Variants in SLC18B1 observed in about 807,000 individuals in gnomAD.
SLC18B1 encodes the protein solute carrier family 18 member B1.
Under a neutral mutation model 53.9 loss-of-function variants are expected in SLC18B1, and 62 were observed. The ratio of observed to expected loss-of-function variants is 1.15; its 90% CI spans 0.94 to 1.42. The LOEUF (loss-of-function observed/expected upper bound fraction) is 1.42, where lower values mean the gene tolerates loss of function less well. SLC18B1 is among the 40% of genes most tolerant of loss of function. The probability of loss-of-function intolerance (pLI) is 0.00; values close to 1 mark genes in which losing one functional copy is unlikely to be tolerated. For synonymous variants in SLC18B1, 217 were observed against 200.9 expected (o/e 1.08, Z -0.68); for missense variants, 598 against 547.3 (o/e 1.09, Z -0.93).
intron 2 of SLC18B1, among the ~76,000 whole-genome samples, chr6:132,792,355 G>GGAAGGAA (rs58213762): frequency 9.7e-6 from 1 of 102,934 alleles, no homozygotes; most frequent in Non-Finnish European, 2.0e-5. Flanking sequence ...AAGGAAGGAA[G>GGAAGGAA]GGAAAGAAAG....
chr6:132,785,374 T>A (rs1461696485), intron 5 of SLC18B1, among the ~76,000 whole-genome samples: 1 of 152,180 alleles, frequency 6.6e-6, no homozygotes, highest in African/African-American at 2.4e-5. Context: ...AACAAAACAA[T>A]GCTATGGAAA....
rs1237033283 is a variant in SLC18B1 at position 132,783,940 on chromosome 6, G to A, written c.651C>T (p.Pro217=). ...TAATAAGTGTGGACTTACCGTAATT[G>A]GGTAAAATATACATATTGAGTGGTA... The part of the protein sequence containing the change: ...LMVPLNMYIL[P]NYESDPGEHS... The change falls in exon 6 of 14, where the codon CCC becomes CCT. Residue 217 remains proline, a synonymous_variant. Transcript: ENST00000275227. 1.3e-6 allele frequency: 2 copies of A among 1,588,792 alleles called. No individual in the cohort carries two copies. The highest frequency in any genetic ancestry group is 1.7e-6 in the Non-Finnish European group (2 of 1,170,142).
chr6:132,796,500 T>C (rs1380685638), intron 2 of SLC18B1, among the ~76,000 whole-genome samples: 1 of 124,042 alleles, frequency 8.1e-6, no homozygotes, highest in South Asian at 2.6e-4. Context: ...CACTCCAGCC[T>C]GGGCAACAAG....
At chr6:132,788,068 G>A (rs1292214556) in intron 4 of SLC18B1, among the ~76,000 whole-genome samples, 2 of 151,942 alleles carry the variant, frequency 1.3e-5, no homozygotes, top group Non-Finnish European at 2.9e-5. Flanking sequence ...GGCTGAGGCA[G>A]GAGAATGGCA....
chr6:132,771,837 A>T (rs529408462), intron 11 of SLC18B1, among the ~76,000 whole-genome samples: 46 of 152,328 alleles, frequency 3.0e-4, no homozygotes, highest in African/African-American at 1.1e-3. Context: ...CATGCCTGTA[A>T]TCCCAGCACT....
intron 7 of SLC18B1, among the ~76,000 whole-genome samples, chr6:132,777,948 A>G (rs1253467527): frequency 6.6e-6 from 1 of 152,218 alleles, no homozygotes; most frequent in East Asian, 1.9e-4. Context: ...TTGTGTGAGC[A>G]ATAAAGCTTT....
chr6:132,780,949 G>A (rs560631136), intron 6 of SLC18B1, among the ~76,000 whole-genome samples: 1 of 152,284 alleles, frequency 6.6e-6, no homozygotes, highest in East Asian at 1.9e-4. Context: ...ACTGCAGGAT[G>A]TAGTTGGACT....
chr6:132,783,073 C>T (rs1339262097), intron 6 of SLC18B1, among the ~76,000 whole-genome samples: 2 of 152,052 alleles, frequency 1.3e-5, no homozygotes, highest in Non-Finnish European at 2.9e-5. Flanking sequence ...CTGCGCCTAG[C>T]GAAATAATAA....
At position 132,774,252 on chromosome 6, in the gene SLC18B1, A is replaced by C. The variant is rs1443247727; in HGVS notation, c.959T>G (p.Leu320Ter). ...AATATGCAAGATTGGGACAGGCCCT[A>C]AGAGCATGTAGCACCCGGCTGTGAT... ...NLITAGCYML[L>*]GPVPILHIKS... Residue 320 changes from leucine to a stop codon, truncating the protein, a stop_gained, in exon 9 of 14, where the codon TTA (leucine) becomes TGA (stop). Coordinates refer to ENST00000275227, the MANE Select transcript of SLC18B1 (RefSeq NM_052831.3). LOFTEE classifies it high-confidence loss of function. 3.1e-6 allele frequency: 5 copies of C among 1,613,286 alleles called. No homozygotes were observed. The Admixed American group carries it at 8.3e-5, about 27-fold the overall frequency.
chr6:132,795,533 T>G (rs1438353422), intron 2 of SLC18B1, among the ~76,000 whole-genome samples: 3 of 152,218 alleles, frequency 2.0e-5, no homozygotes, highest in African/African-American at 4.8e-5. Context: ...ATGGCAATAT[T>G]GTTCCTTTAG....
Position 132,769,606 on chromosome 6 carries a change from C to T in SLC18B1, c.*664G>A, listed in dbSNP as rs1482409307. 1 of 152,112 alleles carries T rather than the reference C, an allele frequency of 6.6e-6. No individual in the cohort carries two copies. Among genetic ancestry groups the T allele is most frequent in the African/African-American group, 2.4e-5 (1 of 41,420 alleles). 9.4% of individuals were successfully genotyped at this position (152,112 alleles called of 1,614,324 possible). ...GTTATACCAAGTAATGTTTATAAAT[C>T]CAGATCATAAGTGAACGTAGGTTAC... On this transcript the variant is annotated 3_prime_UTR_variant, in exon 14 of 14. Transcript: ENST00000275227.
chr6:132,772,531 T>C (rs111619807), intron 10 of SLC18B1, among the ~76,000 whole-genome samples: 19 of 152,150 alleles, frequency 1.2e-4, no homozygotes, highest in Admixed American at 3.9e-4. Context: ...AAGGCAACTT[T>C]TAAAAAACAG....
In SLC18B1 at chr6:132,779,399, C is replaced by A. The variant is rs765176824; in HGVS notation, c.664G>T (p.Asp222Tyr). 6.3e-7 allele frequency: 1 copy of A among 1,594,596 alleles called. No individual in the cohort carries two copies. The highest frequency in any genetic ancestry group is 8.6e-7 in the Non-Finnish European group (1 of 1,166,884). ...TTCCAGAATGAGTGTTCACCTGGAT[C>A]AGACTCTTTAGGGAAAAAATGAAAA... ...NMYILPNYES[D>Y]PGEHSFWKLI... The change falls in exon 7 of 14, where the codon GAT becomes TAT. Residue 222 changes from aspartate to tyrosine, a missense_variant. Asp to Tyr is a radical substitution (Grantham distance 160, BLOSUM62 -3). Coordinates refer to ENST00000275227, the MANE Select transcript of SLC18B1 (RefSeq NM_052831.3).
In SLC18B1 at chr6:132,770,154, A is replaced by G. The variant is rs998630; in HGVS notation, c.*116T>C. ...AAAAACACGTTGACACTTCCAAGAC[A>G]CTGGCACGGGGTCCACGGAGTTTTG... On this transcript the variant is annotated 3_prime_UTR_variant, in exon 14 of 14. Coordinates refer to ENST00000275227, the MANE Select transcript of SLC18B1 (RefSeq NM_052831.3). 37,574 of 800,774 alleles carry G rather than the reference A, an allele frequency of 0.047. 2,395 individuals carry two copies. Among genetic ancestry groups the G allele is most frequent in the African/African-American group, 0.26 (14,882 of 58,006 alleles). The allele number at this position is 800,774 out of a possible 1,614,324, so 49.6% of individuals were successfully genotyped here. A position where few individuals can be genotyped will look rare whatever the true frequency, so the allele number is the denominator to read the frequency against.
chr6:132,792,359 A>AGGAAGGAAGGAAG (rs1423315356), intron 2 of SLC18B1, among the ~76,000 whole-genome samples: 3 of 135,994 alleles, frequency 2.2e-5, no homozygotes, highest in Non-Finnish European at 4.7e-5. Context: ...AAGGAAGGGA[A>AGGAAGGAAGGAAG]AGAAAGAAAA....
intron 11 of SLC18B1, 111 bp downstream of exon 11, chr6:132,772,021 G>C: frequency 2.9e-6 from 2 of 678,702 alleles, no homozygotes; most frequent in Non-Finnish European, 4.9e-6. Flanking sequence ...GGACCTGGGA[G>C]GCGGAGGTTG....
At chr6:132,796,354 C>CA (rs780737208) in intron 2 of SLC18B1, among the ~76,000 whole-genome samples, 1,707 of 44,472 alleles carry the variant, frequency 0.038, 45 homozygotes, top group Non-Finnish European at 0.049. Context: ...GACTCCATCT[C>CA]AAAAAAAAAA....
chr6:132,797,295 C>G (rs1001389956), intron 1 of SLC18B1, among the ~76,000 whole-genome samples, 174 bp from the exon 2 acceptor site: 1 of 152,210 alleles, frequency 6.6e-6, no homozygotes, highest in Non-Finnish European at 1.5e-5. Context: ...ACATTACTGC[C>G]GTTTTGAAAA....
In SLC18B1 at chr6:132,781,656, C is replaced by T. The variant is rs942113511; in HGVS notation, c.659-2252G>A. ...CCTGTAATCCCACCTACTCGGGAGG[C>T]TGAGGCAGGAGAATTGCTTGAACCC... On this transcript the variant is annotated intron_variant, in intron 6 of 13. Coordinates refer to ENST00000275227, the MANE Select transcript of SLC18B1 (RefSeq NM_052831.3). Among the ~76,000 whole-genome samples the T allele has an allele frequency of 2.0e-5, 3 of 151,688 alleles. No homozygotes were observed. The East Asian group carries it at 5.8e-4, about 30-fold the overall frequency.
Sources: allele counts gnomAD v4.1 joint callset (sites outside exome capture counted in the v4.1 genomes callset), GRCh38; gene constraint gnomAD v4.1.1; transcripts MANE v1.5; gene names NCBI Gene and HGNC (gene_info 2026-07-23, HGNC 2026-07-21).